Variants in NGF observed in about 807,000 individuals in gnomAD.
NGF encodes the protein nerve growth factor.
Under a neutral mutation model 12.8 loss-of-function variants are expected in NGF, and 4 were observed. That is an observed-to-expected ratio of 0.31 (90% CI 0.15 to 0.72). NGF has a LOEUF of 0.72. Among genes scored for constraint, NGF ranks in the 30% least tolerant of loss-of-function variants. The probability of loss-of-function intolerance (pLI) is 0.69; values close to 1 mark genes in which losing one functional copy is unlikely to be tolerated. For synonymous variants in NGF, 140 were observed against 130.0 expected, an observed-to-expected ratio of 1.08 and a Z score of -0.52; for missense variants, 283 against 330.8, an observed-to-expected ratio of 0.86 and a Z score of 1.12.
intron 1 of NGF, among the ~76,000 whole-genome samples, chr1:115,308,378 C>T (rs79814079): frequency 0.026 from 3,915 of 152,196 alleles, 140 homozygotes; most frequent in East Asian, 0.1. Context: ...AGGTGAGGCA[C>T]CTGAAAAACC....
intron 1 of NGF, among the ~76,000 whole-genome samples, chr1:115,322,073 T>C (rs1654645765): frequency 6.6e-6 from 1 of 152,178 alleles, no homozygotes; most frequent in Non-Finnish European, 1.5e-5. Flanking sequence ...CCTCACGGCA[T>C]TTTATAAAGT....
chr1:115,313,053 T>C (rs1654375940), intron 1 of NGF, among the ~76,000 whole-genome samples: 1 of 152,228 alleles, frequency 6.6e-6, no homozygotes, highest in Non-Finnish European at 1.5e-5. Flanking sequence ...AGTTGACCAA[T>C]GCTTTGAAAA....
intron 1 of NGF, among the ~76,000 whole-genome samples, chr1:115,295,493 G>A (rs1177673827): frequency 1.3e-5 from 2 of 152,124 alleles, no homozygotes; most frequent in Admixed American, 1.3e-4. Flanking sequence ...CCCAGGGTAA[G>A]AGGTGGGCAT....
intron 1 of NGF, among the ~76,000 whole-genome samples, chr1:115,311,287 C>A (rs939789671): frequency 6.6e-6 from 1 of 152,196 alleles, no homozygotes; most frequent in African/African-American, 2.4e-5. Flanking sequence ...CCACTCTTCC[C>A]TTCATAAATT....
At chr1:115,294,651 G>A (rs1557936786) in intron 1 of NGF, among the ~76,000 whole-genome samples, 2 of 152,248 alleles carry the variant, frequency 1.3e-5, no homozygotes, top group Admixed American at 6.5e-5. Flanking sequence ...AGGGGCCACT[G>A]TAGACAGGAC....
intron 1 of NGF, among the ~76,000 whole-genome samples, chr1:115,329,744 CTT>C (rs1039991768): frequency 5.9e-4 from 61 of 103,972 alleles, no homozygotes; most frequent in South Asian, 2.3e-3. Flanking sequence ...TTCTTTCTTT[CTT>C]TTTTTTTTTT....
chr1:115,330,153 C>T (rs377375534), intron 1 of NGF, among the ~76,000 whole-genome samples: 9 of 152,274 alleles, frequency 5.9e-5, no homozygotes, highest in East Asian at 1.9e-4. Flanking sequence ...GGCAGCATCT[C>T]GCTTCTGAGG....
At chr1:115,326,300 C>T (rs1245705062) in intron 1 of NGF, among the ~76,000 whole-genome samples, 1 of 152,144 alleles carries the variant, frequency 6.6e-6, no homozygotes, top group African/African-American at 2.4e-5. Context: ...AGTTGGGGAG[C>T]TCCTCAGGCA....
At chr1:115,325,477 C>A (rs1223967903) in intron 1 of NGF, among the ~76,000 whole-genome samples, 3 of 152,018 alleles carry the variant, frequency 2.0e-5, no homozygotes, top group Admixed American at 1.3e-4. Context: ...CCTTTATGAC[C>A]ACAGAAATGA....
chr1:115,330,200 G>A (rs1394778176), intron 1 of NGF, among the ~76,000 whole-genome samples: 1 of 152,112 alleles, frequency 6.6e-6, no homozygotes, highest in African/African-American at 2.4e-5. Flanking sequence ...CATCCCTCTG[G>A]CAAGAGGACA....
chr1:115,296,054 G>T (rs1653858482), intron 1 of NGF, among the ~76,000 whole-genome samples: 1 of 152,188 alleles, frequency 6.6e-6, no homozygotes, highest in African/African-American at 2.4e-5. Flanking sequence ...AGGAGAAATT[G>T]GTTTTATCTG....
chr1:115,294,470 AT>A (rs1225872661), intron 1 of NGF, among the ~76,000 whole-genome samples: 1 of 152,250 alleles, frequency 6.6e-6, no homozygotes, highest in East Asian at 1.9e-4. Flanking sequence ...GGCACCGACT[AT>A]GTGCCAGGCA....
intron 1 of NGF, among the ~76,000 whole-genome samples, chr1:115,319,865 A>G (rs1207200956): frequency 6.6e-6 from 1 of 152,128 alleles, no homozygotes; most frequent in Non-Finnish European, 1.5e-5. Context: ...GCCTGACTTG[A>G]GATCTGCCTG....
rs1014644520 is a variant in NGF, at chr1:115,286,703, G to C, written c.93C>G (p.Thr31=). ...GTTTAGTCCAGTGGGCTTGGGGGAT[G>C]GTGTGTCCTGCAGGGACATTGCTCT... ...HSESNVPAGH[T]IPQAHWTKLQ... is the part of the protein sequence containing the mutation. The change falls in exon 3 of 3, where the codon ACC becomes ACG. Residue 31 remains threonine, a synonymous_variant. Transcript: ENST00000369512. The C allele has an allele frequency of 3.7e-6, 6 of 1,614,092 alleles. No homozygotes were observed. In the African/African-American group the frequency reaches 8.0e-5, roughly 22 times the overall value.
At chr1:115,329,657 T>A (rs1416301183) in intron 1 of NGF, among the ~76,000 whole-genome samples, 2 of 152,164 alleles carry the variant, frequency 1.3e-5, no homozygotes, top group Non-Finnish European at 2.9e-5. Flanking sequence ...AAAATGTTAC[T>A]CTATGCTCTT....
At chr1:115,307,447 G>T (rs958733029) in intron 1 of NGF, among the ~76,000 whole-genome samples, 2 of 152,178 alleles carry the variant, frequency 1.3e-5, no homozygotes, top group African/African-American at 4.8e-5. Flanking sequence ...ACTGAGAAAA[G>T]ACTTTGAAGA....
At chr1:115,309,065 T>C (rs1186462213) in intron 1 of NGF, among the ~76,000 whole-genome samples, 1 of 152,176 alleles carries the variant, frequency 6.6e-6, no homozygotes, top group Non-Finnish European at 1.5e-5. Context: ...GGAGGGAAGA[T>C]AGGTGATCTT....
chr1:115,318,375 G>A (rs1444983091), intron 1 of NGF, among the ~76,000 whole-genome samples: 1 of 152,116 alleles, frequency 6.6e-6, no homozygotes, highest in Admixed American at 6.5e-5. Context: ...TCTGGGCCAG[G>A]ACCCTCAAAT....
intron 1 of NGF, among the ~76,000 whole-genome samples, chr1:115,333,301 A>G (rs2101057201): frequency 6.6e-6 from 1 of 152,254 alleles, no homozygotes. Context: ...AAATTGCCCA[A>G]TGTGGAAGGG....
Sources: gnomAD v4.1 joint callset for allele counts (sites outside exome capture counted in the v4.1 genomes callset) on GRCh38, gnomAD v4.1.1 for gene constraint, MANE v1.5 for transcripts, NCBI Gene and HGNC (gene_info 2026-07-23, HGNC 2026-07-21) for gene names.